The following CMBL variants were observed in gnomAD, a reference collection of about 807,000 sequenced individuals.
The protein encoded by CMBL is carboxymethylenebutenolidase homolog, also known as carboxymethylenebutenolidase homolog (Pseudomonas).
CMBL carries 17 observed loss-of-function variants against 28.7 expected under a neutral mutation model. The observed-to-expected ratio is 0.59, with a 90% CI of 0.41 to 0.89. The LOEUF (loss-of-function observed/expected upper bound fraction) is 0.89, where lower values mean the gene tolerates loss of function less well. Among genes scored for constraint, CMBL ranks in the 40% least tolerant of loss-of-function variants. The pLI is 0.00. For missense variants in CMBL, 310 were observed against 298.5 expected, an observed-to-expected ratio of 1.04 and a Z score of -0.28; for synonymous variants, 106 against 101.6, an observed-to-expected ratio of 1.04 and a Z score of -0.26.
intron 1 of CMBL, among the ~76,000 whole-genome samples, chr5:10,302,671 A>C (rs144092982): frequency 6.6e-4 from 101 of 152,236 alleles, no homozygotes; most frequent in African/African-American, 2.1e-3. Context: ...AAGTTCAGGC[A>C]CAAATGACCA....
rs371796871 is a variant in CMBL, at chr5:10,301,606, G to GTT, written c.-20+6017_-20+6018dup. Reference sequence around the variant, plus strand: ...TTTCTTTTTTTCTTTTTCTTTTCGGGTTTTTTTTTTTTTGGAGACGGAGTC... The same window carrying GTT: ...TTTCTTTTTTTCTTTTTCTTTTCGGGTTTTTTTTTTTTTTTGGAGACGGAGTC... On this transcript the variant is annotated intron_variant, in intron 1 of 5. Transcript: ENST00000296658. Among the ~76,000 whole-genome samples the GTT allele has an allele frequency of 1.4e-4, 19 of 132,244 alleles. 2 individuals are homozygous for GTT. The highest frequency in any genetic ancestry group is 2.2e-4 in the Non-Finnish European group (14 of 64,168). The allele number at this position is 132,244 out of a possible 152,430, so 86.8% of individuals were successfully genotyped here. A position where few individuals can be genotyped will look rare whatever the true frequency, so the allele number is the denominator to read the frequency against.
rs1162828019 is a variant in CMBL, at chr5:10,279,663, C to T, written c.*790G>A. 2.0e-5 allele frequency: 3 copies of T among 152,096 alleles called. No homozygotes were observed. The allele number at this position is 152,096 out of a possible 1,614,324, so 9.4% of individuals were successfully genotyped here. ...TCAAGTGATTCTCCTCCTCAGACTC[C>T]TGAGTAGCTGGGATTACAGGCACAT... On this transcript the variant is annotated 3_prime_UTR_variant, in exon 6 of 6. Coordinates refer to ENST00000296658, the MANE Select transcript of CMBL (RefSeq NM_138809.4).
chr5:10,296,470 G>A (rs1746811803), intron 1 of CMBL, among the ~76,000 whole-genome samples: 1 of 152,132 alleles, frequency 6.6e-6, no homozygotes, highest in Admixed American at 6.6e-5. Context: ...TGGTAGAGAT[G>A]GGTTTTCACC....
Position 10,290,779 on chromosome 5 carries a change from G to C in CMBL, c.-17C>G, listed in dbSNP as rs777904326. 6.2e-7 allele frequency: 1 copy of C among 1,604,042 alleles called. No homozygotes were observed. Among genetic ancestry groups the C allele is most frequent in the Non-Finnish European group, 8.5e-7 (1 of 1,171,024 alleles). On this transcript the variant is annotated splice_region_variant and 5_prime_UTR_variant, in exon 2 of 6. Coordinates refer to ENST00000296658, the MANE Select transcript of CMBL (RefSeq NM_138809.4). ...GTTAGCCATTGCAGAGATTTAAGTC[G>C]GGCTATGGAGAGAGAAACATGCGTT...
Position 10,278,855 on chromosome 5 carries a change from G to C in CMBL, c.*1598C>G. 6.6e-6 allele frequency among the ~76,000 whole-genome samples: 1 copy of C among 151,968 alleles called. No individual in the cohort carries two copies. Among genetic ancestry groups the C allele is most frequent in the East Asian group, 1.9e-4 (1 of 5,174 alleles). ...AGGATAAACAAGCTTCCTGCGAGAG[G>C]GACACCTGGCCACAGGTTGGACACT... On this transcript the variant is annotated 3_prime_UTR_variant, in exon 6 of 6. Transcript: ENST00000296658.
chr5:10,286,523 G>T (rs1167428493), intron 3 of CMBL, 27 bp from the exon 4 acceptor site: 2 of 1,604,298 alleles, frequency 1.2e-6, no homozygotes, highest in African/African-American at 2.7e-5. Flanking sequence ...AAATATTCAA[G>T]AATCAGGCTT....
chr5:10,287,901 T>G (rs912047579), intron 3 of CMBL, among the ~76,000 whole-genome samples: 8 of 151,796 alleles, frequency 5.3e-5, no homozygotes, highest in Non-Finnish European at 8.8e-5. Context: ...TTGTTTGTTT[T>G]TTGTATTTTT....
Position 10,290,578 on chromosome 5 carries a change from A to G in CMBL, c.185T>C (p.Ile62Thr). 2 of 1,614,104 alleles carry G rather than the reference A, an allele frequency of 1.2e-6. No homozygotes were observed. The highest frequency in any genetic ancestry group is 1.7e-6 in the Non-Finnish European group (2 of 1,179,896). The change falls in exon 2 of 6, where the codon ATA becomes ACA. Residue 62 changes from isoleucine (I) to threonine (T), a missense_variant. By Grantham distance (89) the Ile-to-Thr change is moderately conservative. Transcript: ENST00000296658. Reference sequence around the variant, plus strand: ...TCCATTTCCTGAGATCATGTCAGCTATATATCTGGTATTGGGCAACTGCCA... The same window carrying G: ...TCCATTTCCTGAGATCATGTCAGCTGTATATCTGGTATTGGGCAACTGCCA... Reference protein sequence around the residue: ...FGWQLPNTRYIADMISGNGYT... With the variant: ...FGWQLPNTRYTADMISGNGYT...
Position 10,291,268 on chromosome 5 carries a change from G to A in CMBL, c.-19-487C>T, listed in dbSNP as rs558461340. 9.8e-5 allele frequency among the ~76,000 whole-genome samples: 15 copies of A among 152,330 alleles called. No homozygotes were observed. The East Asian group carries it at 1.2e-3, about 12-fold the overall frequency. On this transcript the variant is annotated intron_variant, in intron 1 of 5. Transcript: ENST00000296658. ...CGAGCCCCAAAGGTTCATGTCTCAC[G>A]GAAGGGGGCCAAAGCAAAAGGAGAA... is the stretch of plus-strand genomic sequence containing the variant.
intron 3 of CMBL, among the ~76,000 whole-genome samples, chr5:10,287,399 T>C (rs1461784802): frequency 2.0e-5 from 3 of 151,518 alleles, no homozygotes; most frequent in African/African-American, 4.9e-5. Context: ...AACCAAATAC[T>C]GTATGTTCTC....
intron 1 of CMBL, chr5:10,307,156 A>G (rs761300649): frequency 6.6e-6 from 1 of 152,192 alleles, no homozygotes; most frequent in Non-Finnish European, 1.5e-5. Context: ...CCCTAAAGAA[A>G]AGCTGTCGAA....
At chr5:10,301,317 AGGACAACT>A (rs1746893733) in intron 1 of CMBL, among the ~76,000 whole-genome samples, 1 of 152,248 alleles carries the variant, frequency 6.6e-6, no homozygotes, top group African/African-American at 2.4e-5. Flanking sequence ...TATCCAATCA[AGGACAACT>A]GGACTGTAGT....
intron 2 of CMBL, 138 bp from the exon 3 acceptor site, chr5:10,288,667 T>C (rs1746651505): frequency 8.9e-6 from 6 of 670,560 alleles, no homozygotes; most frequent in African/African-American, 1.8e-5. Flanking sequence ...AAGGCCAATT[T>C]TGATCGCAGC....
chr5:10,296,961 G>A (rs574248136), intron 1 of CMBL, among the ~76,000 whole-genome samples: 19 of 152,202 alleles, frequency 1.2e-4, no homozygotes, highest in African/African-American at 4.6e-4. Flanking sequence ...AAAGTGGGTG[G>A]GTTGCTTGAG....
At chr5:10,306,420 A>AGGGAAGGCCAGGAGGG (rs1392818649) in intron 1 of CMBL, among the ~76,000 whole-genome samples, 1 of 152,064 alleles carries the variant, frequency 6.6e-6, no homozygotes, top group African/African-American at 2.4e-5. Context: ...AAGTAGGGGA[A>AGGGAAGGCCAGGAGGG]GGGAAGGCCA....
rs1288705896 is a variant in CMBL, at chr5:10,278,131, C to A, written c.*2322G>T. On this transcript the variant is annotated 3_prime_UTR_variant, in exon 6 of 6. Coordinates refer to ENST00000296658, the MANE Select transcript of CMBL (RefSeq NM_138809.4). ...CTCAACATTAGGCAAAGGGTCTCCC[C>A]ATACCCATTTGACAGATGCAAAAAC... 6.6e-6 allele frequency among the ~76,000 whole-genome samples: 1 copy of A among 152,218 alleles called. No homozygotes were observed. The highest frequency in any genetic ancestry group is 1.9e-4 in the East Asian group (1 of 5,194).
chr5:10,279,343 A>T lies in CMBL; in HGVS notation c.*1110T>A, dbSNP rs1746453567. ...GTCAATGGAATCCTGTTTTGATCTC[A>T]ATACTTCCCATATTGCAATATATAA... On this transcript the variant is annotated 3_prime_UTR_variant, in exon 6 of 6. Coordinates refer to ENST00000296658, the MANE Select transcript of CMBL (RefSeq NM_138809.4). 1 of 152,214 alleles carries T rather than the reference A, an allele frequency of 6.6e-6. No homozygotes were observed. The highest frequency in any genetic ancestry group is 6.5e-5 in the Admixed American group (1 of 15,284). 9.4% of individuals were successfully genotyped at this position (152,214 alleles called of 1,614,324 possible).
intron 1 of CMBL, among the ~76,000 whole-genome samples, chr5:10,305,744 G>T (rs1352223189): frequency 6.6e-6 from 1 of 152,008 alleles, no homozygotes; most frequent in South Asian, 2.1e-4. Flanking sequence ...GCTAATTTTT[G>T]TATTTTAGTA....
intron 1 of CMBL, among the ~76,000 whole-genome samples, chr5:10,298,302 T>C (rs1746842535): frequency 6.6e-6 from 1 of 152,198 alleles, no homozygotes; most frequent in Non-Finnish European, 1.5e-5. Flanking sequence ...TACTTTTTTC[T>C]TGTACTTTGG....
Sources: allele counts gnomAD v4.1 joint callset (sites outside exome capture counted in the v4.1 genomes callset), GRCh38; gene constraint gnomAD v4.1.1; transcripts MANE v1.5; gene names NCBI Gene and HGNC (gene_info 2026-07-23, HGNC 2026-07-21).